The following ROBO2 variants were observed in gnomAD, a reference collection of about 807,000 sequenced individuals.
ROBO2 encodes the protein roundabout guidance receptor 2.
Under a neutral mutation model 160.8 loss-of-function variants are expected in ROBO2, and 53 were observed. The ratio of observed to expected loss-of-function variants is 0.33; its 90% CI spans 0.26 to 0.41. The LOEUF (loss-of-function observed/expected upper bound fraction) is 0.41, where lower values mean the gene tolerates loss of function less well. Among genes scored for constraint, ROBO2 ranks in the 10% least tolerant of loss-of-function variants. ROBO2 has a pLI of 1.00. For synonymous variants in ROBO2, 664 were observed against 611.7 expected, an observed-to-expected ratio of 1.09 and a Z score of -1.26; for missense variants, 1,577 against 1,722.4, an observed-to-expected ratio of 0.92 and a Z score of 1.49.
intron 5 of ROBO2, among the ~76,000 whole-genome samples, chr3:77,495,534 CAT>C (rs2086672863): frequency 6.6e-6 from 1 of 152,146 alleles, no homozygotes; most frequent in Non-Finnish European, 1.5e-5. Context: ...CATTTGTTCT[CAT>C]ATCTCTCCAG....
chr3:76,382,783 T>C (rs1301221033), intron 2 of ROBO2, among the ~76,000 whole-genome samples: 2 of 152,222 alleles, frequency 1.3e-5, no homozygotes, highest in African/African-American at 4.8e-5. Flanking sequence ...AAATGGGTTT[T>C]CAAGGGAAAC....
intron 2 of ROBO2, among the ~76,000 whole-genome samples, chr3:76,233,868 G>T (rs1366900147): frequency 6.6e-6 from 1 of 152,094 alleles, no homozygotes; most frequent in Non-Finnish European, 1.5e-5. Flanking sequence ...TTGTTATACA[G>T]GTGTATTGTG....
intron 2 of ROBO2, among the ~76,000 whole-genome samples, chr3:76,690,827 T>G (rs1018696781): frequency 3.3e-5 from 5 of 152,052 alleles, no homozygotes; most frequent in African/African-American, 9.7e-5. Flanking sequence ...GACAGGAAAT[T>G]TATCCAATGT....
At chr3:76,479,867 T>G (rs1485610082) in intron 2 of ROBO2, among the ~76,000 whole-genome samples, 1 of 152,138 alleles carries the variant, frequency 6.6e-6, no homozygotes, top group East Asian at 1.9e-4. Flanking sequence ...TAGAAGAGTT[T>G]GCATTAAGCA....
chr3:76,197,159 T>A (rs1022358172), intron 2 of ROBO2, among the ~76,000 whole-genome samples: 9 of 149,396 alleles, frequency 6.0e-5, no homozygotes, highest in African/African-American at 2.5e-5. Context: ...CCTTTCTCCT[T>A]TTGGGGAGTG....
chr3:76,428,306 C>G (rs185297237), intron 2 of ROBO2, among the ~76,000 whole-genome samples: 1 of 151,600 alleles, frequency 6.6e-6, no homozygotes, highest in Non-Finnish European at 1.5e-5. Context: ...GTGGATACCT[C>G]GAAAAGAAAA....
intron 2 of ROBO2, among the ~76,000 whole-genome samples, chr3:76,688,745 T>C (rs543049495): frequency 1.3e-5 from 2 of 152,150 alleles, no homozygotes; most frequent in East Asian, 3.9e-4. Flanking sequence ...CTTGTAATCA[T>C]CTTTCTCATT....
intron 2 of ROBO2, among the ~76,000 whole-genome samples, chr3:77,118,814 A>C (rs2150244337): frequency 6.6e-6 from 1 of 152,334 alleles, no homozygotes; most frequent in Non-Finnish European, 1.5e-5. Context: ...GAACTTACAC[A>C]AACCTAGATG....
rs180741033 is a variant in ROBO2, at chr3:76,996,371, G to A, written c.110-101643G>A. On this transcript the variant is annotated intron_variant, in intron 2 of 26. Transcript: ENST00000487694. ...TTACTGTAGCCTTGTAGTATTGTTT[G>A]AAGTCAGGTAGCTTGATGCCTCCAG... 1.1e-4 allele frequency among the ~76,000 whole-genome samples: 17 copies of A among 152,280 alleles called. 1 individual carries two copies. The East Asian group carries it at 3.3e-3, about 29-fold the overall frequency.
chr3:76,816,814 C>A (rs532722493), intron 2 of ROBO2, among the ~76,000 whole-genome samples: 1 of 152,076 alleles, frequency 6.6e-6, no homozygotes. Context: ...AGACTTGGAA[C>A]CAACCCAAAT....
intron 2 of ROBO2, among the ~76,000 whole-genome samples, chr3:76,755,798 G>A (rs917623275): frequency 6.6e-6 from 1 of 151,662 alleles, no homozygotes; most frequent in African/African-American, 2.4e-5. Context: ...TCTAAATTAT[G>A]TTTAGGAAAT....
At chr3:75,983,956 C>G (rs1157575543) in intron 2 of ROBO2, among the ~76,000 whole-genome samples, 1 of 151,434 alleles carries the variant, frequency 6.6e-6, no homozygotes, top group South Asian at 2.1e-4. Context: ...ATCCTTTGCT[C>G]ACTAATTCGG....
At chr3:76,212,269 C>A (rs1236740383) in intron 2 of ROBO2, among the ~76,000 whole-genome samples, 1 of 151,810 alleles carries the variant, frequency 6.6e-6, no homozygotes, top group Non-Finnish European at 1.5e-5. Context: ...GGAACATGGT[C>A]CTTCCTGAAG....
chr3:75,959,943 C>T (rs988193406), intron 2 of ROBO2, among the ~76,000 whole-genome samples: 6 of 151,664 alleles, frequency 4.0e-5, no homozygotes, highest in Non-Finnish European at 7.4e-5. Context: ...ACAGGACTCA[C>T]GTGTTTGTAT....
chr3:76,894,160 C>T (rs1375963388), intron 2 of ROBO2, among the ~76,000 whole-genome samples: 1 of 152,076 alleles, frequency 6.6e-6, no homozygotes, highest in African/African-American at 2.4e-5. Flanking sequence ...TTTCCTGCTT[C>T]ACTAAACCTA....
At chr3:76,296,705 G>A (rs1709093446) in intron 2 of ROBO2, among the ~76,000 whole-genome samples, 1 of 152,152 alleles carries the variant, frequency 6.6e-6, no homozygotes, top group Non-Finnish European at 1.5e-5. Flanking sequence ...GGAGTGTGAC[G>A]TATTAATGCT....
intron 6 of ROBO2, among the ~76,000 whole-genome samples, chr3:77,545,337 A>T (rs1218378715): frequency 1.3e-5 from 2 of 151,976 alleles, no homozygotes; most frequent in Non-Finnish European, 2.9e-5. Flanking sequence ...TTTGCTCCAT[A>T]ATCTCCTTGT....
At chr3:77,515,799 G>T (rs572418300) in intron 5 of ROBO2, among the ~76,000 whole-genome samples, 1 of 151,612 alleles carries the variant, frequency 6.6e-6, no homozygotes, top group Non-Finnish European at 1.5e-5. Context: ...TTCCAATACG[G>T]TCTAAACCTT....
In ROBO2 at chr3:76,435,477, T is replaced by G. The variant is rs185094912; in HGVS notation, c.109+497875T>G. 62 of 719,082 alleles carry G rather than the reference T, an allele frequency of 8.6e-5. No individual in the cohort carries two copies. The African/African-American group carries it at 1.0e-3, about 12-fold the overall frequency. 44.5% of individuals were successfully genotyped at this position (719,082 alleles called of 1,614,324 possible). A position where few individuals can be genotyped will look rare whatever the true frequency, so the allele number is the denominator to read the frequency against. ...CCCTCCCTTCACACCGTGGGATAAA[T>G]CTGTATCAAGATGGTTCTTTTCGCG... On this transcript the variant is annotated intron_variant, in intron 2 of 26. Transcript: ENST00000487694.
Sources: gnomAD v4.1 joint callset for allele counts (sites outside exome capture counted in the v4.1 genomes callset) on GRCh38, gnomAD v4.1.1 for gene constraint, MANE v1.5 for transcripts, NCBI Gene and HGNC (gene_info 2026-07-23, HGNC 2026-07-21) for gene names.